The following FCHO2 variants were observed in gnomAD, a reference collection of about 807,000 sequenced individuals.
The protein encoded by FCHO2 is F-BAR domain only protein 2.
FCHO2 carries 43 observed loss-of-function variants against 114.1 expected under a neutral mutation model. The ratio of observed to expected loss-of-function variants is 0.38; its 90% CI spans 0.30 to 0.49. The LOEUF is 0.49. FCHO2 is among the 20% of genes least tolerant of loss of function. The pLI is 0.97. For synonymous variants in FCHO2, 293 were observed against 315.2 expected (o/e 0.93, Z 0.75); for missense variants, 807 against 950.4 (o/e 0.85, Z 1.98).
Position 73,084,828 on chromosome 5 carries a change from T to C in FCHO2, c.2245+2003T>C, listed in dbSNP as rs565781655. ...TTTCTTTTTTGCTGTTTGGTACTTATAGGTTGCCCACTTTCAGCTGGCCAA... is the reference window on the plus strand; with the variant it reads ...TTTCTTTTTTGCTGTTTGGTACTTACAGGTTGCCCACTTTCAGCTGGCCAA... On this transcript the variant is annotated intron_variant, in intron 24 of 25. Transcript: ENST00000430046. Among the ~76,000 whole-genome samples the C allele has an allele frequency of 2.2e-4, 33 of 152,212 alleles. 1 individual carries two copies. Among genetic ancestry groups the C allele is most frequent in the Admixed American group, 5.2e-4 (8 of 15,278 alleles).
At chr5:72,978,028 A>G (rs914146559) in intron 2 of FCHO2, among the ~76,000 whole-genome samples, 8 of 152,170 alleles carry the variant, frequency 5.3e-5, no homozygotes, top group African/African-American at 1.9e-4. Context: ...GAAGCATTGT[A>G]GTGTAGTTTG....
chr5:72,997,852 T>G (rs1754209884), intron 5 of FCHO2, among the ~76,000 whole-genome samples: 1 of 152,170 alleles, frequency 6.6e-6, no homozygotes, highest in Non-Finnish European at 1.5e-5. Context: ...TCTAACTTCG[T>G]GTTCACACTC....
intron 12 of FCHO2, 146 bp downstream of exon 12, chr5:73,051,552 G>A (rs567655677): frequency 1.7e-6 from 1 of 595,190 alleles, no homozygotes; most frequent in Non-Finnish European, 2.7e-6. Flanking sequence ...GTTTTTTGTT[G>A]TTGTTGTTTT....
chr5:73,087,155 T>C (rs1188793507), intron 24 of FCHO2, among the ~76,000 whole-genome samples: 1 of 152,144 alleles, frequency 6.6e-6, no homozygotes, highest in African/African-American at 2.4e-5. Flanking sequence ...GAAAAGTGAA[T>C]AGAAAATAGC....
In FCHO2 at chr5:73,087,650, T is replaced by C. The variant is rs770175095; in HGVS notation, c.2307T>C (p.Leu769=). 7.4e-6 allele frequency: 12 copies of C among 1,613,836 alleles called. No homozygotes were observed. The East Asian group carries it at 2.5e-4, about 33-fold the overall frequency. ...AAGGACCTAGTAAACCCACGACACT[T>C]GCAGTACAATTCCTCAGCGAGGGAA... is the stretch of plus-strand genomic sequence containing the variant. ...LSEGPSKPTT[L]AVQFLSEGST... The change falls in exon 25 of 26, where the codon CTT becomes CTC. Residue 769 remains leucine, a synonymous_variant. Transcript: ENST00000430046.
intron 2 of FCHO2, among the ~76,000 whole-genome samples, chr5:72,969,904 T>C (rs1419918974): frequency 2.0e-5 from 3 of 152,206 alleles, no homozygotes; most frequent in Non-Finnish European, 4.4e-5. Context: ...GTCTTTTTGC[T>C]CTATTTATGC....
In FCHO2 at chr5:73,074,729, G is replaced by T. The variant is rs1742830804; in HGVS notation, c.1580-13G>T. On this transcript the variant is annotated splice_polypyrimidine_tract_variant and intron_variant, in intron 19 of 25. Coordinates refer to ENST00000430046, the MANE Select transcript of FCHO2 (RefSeq NM_138782.3). The stretch of plus-strand genomic sequence containing the variant: ...TTCTGAAGGATTTAACAAGTTAATT[G>T]TGTATATTCTAGGTGTGTCACGGGG... The T allele has an allele frequency of 6.2e-7, 1 of 1,601,606 alleles. No individual in the cohort carries two copies.
chr5:73,021,262 G>A, intron 8 of FCHO2: 1 of 581,028 alleles, frequency 1.7e-6, no homozygotes, highest in Non-Finnish European at 3.2e-6. Flanking sequence ...ACAGTAACAT[G>A]GAGGGCTGAG....
At chr5:72,962,071 C>G (rs975618199) in intron 1 of FCHO2, among the ~76,000 whole-genome samples, 2 of 152,172 alleles carry the variant, frequency 1.3e-5, no homozygotes, top group African/African-American at 4.8e-5. Context: ...GAAGACTTGA[C>G]AGTAGACATT....
intron 2 of FCHO2, among the ~76,000 whole-genome samples, chr5:72,986,165 T>C (rs1441325126): frequency 1.3e-5 from 2 of 152,136 alleles, no homozygotes; most frequent in Non-Finnish European, 2.9e-5. Flanking sequence ...CAATATAGTA[T>C]ATCTAATCAG....
At chr5:73,037,360 TAATA>T (rs763803486) in intron 10 of FCHO2, 145 bp downstream of exon 10, 3 of 381,524 alleles carry the variant, frequency 7.9e-6, no homozygotes, top group Non-Finnish European at 9.0e-6. Flanking sequence ...TTCTAAATAT[TAATA>T]AATACATTTG....
intron 5 of FCHO2, 95 bp downstream of exon 5, chr5:72,990,959 T>G (rs1318452497): frequency 7.3e-7 from 1 of 1,366,004 alleles, no homozygotes; most frequent in Non-Finnish European, 9.8e-7. Context: ...ATTATCTCAT[T>G]TTAAAGATGA....
intron 1 of FCHO2, among the ~76,000 whole-genome samples, chr5:72,957,287 A>G (rs957089531): frequency 1.3e-5 from 2 of 152,166 alleles, no homozygotes; most frequent in Non-Finnish European, 2.9e-5. Flanking sequence ...GTTTTTTCAT[A>G]TGTTCATAGA....
chr5:72,977,591 T>G (rs1025287134), intron 2 of FCHO2, among the ~76,000 whole-genome samples: 2 of 152,242 alleles, frequency 1.3e-5, no homozygotes, highest in African/African-American at 4.8e-5. Flanking sequence ...TGATGATAGT[T>G]TCTTTTGCTG....
At chr5:73,085,555 ACT>A (rs1232697643) in intron 24 of FCHO2, among the ~76,000 whole-genome samples, 4 of 150,938 alleles carry the variant, frequency 2.7e-5, no homozygotes, top group African/African-American at 4.9e-5. Flanking sequence ...CAGGTGGATC[ACT>A]TGAGGCCAGG....
Position 72,989,493 on chromosome 5 carries a change from A to G in FCHO2, c.192A>G (p.Ser64=), listed in dbSNP as rs1447515873. 5 of 1,601,046 alleles carry G rather than the reference A, an allele frequency of 3.1e-6. No homozygotes were observed. In the East Asian group the frequency reaches 1.1e-4, roughly 36 times the overall value. The change falls in exon 3 of 26, where the codon TCA becomes TCG. Residue 64 remains serine, a synonymous_variant. Transcript: ENST00000430046. The part of the protein sequence containing the change: ...TKLAKSASNY[S]QLGTFAPVWD... ...TAGCAAAATCTGCAAGCAATTATTC[A>G]CAACTTGGGTGAGTTAATTTCTTCC...
intron 6 of FCHO2, among the ~76,000 whole-genome samples, chr5:73,011,382 G>C (rs1353600140): frequency 6.6e-6 from 1 of 152,074 alleles, no homozygotes; most frequent in East Asian, 1.9e-4. Flanking sequence ...TCTTAAAGTA[G>C]AAACACATTG....
intron 11 of FCHO2, among the ~76,000 whole-genome samples, chr5:73,041,926 C>T (rs1168368761): frequency 6.6e-6 from 1 of 152,038 alleles, no homozygotes; most frequent in Non-Finnish European, 1.5e-5. Context: ...CAAAACTGTT[C>T]ATTAGATACC....
intron 19 of FCHO2, 22 bp from the exon 20 acceptor site, chr5:73,074,719 CA>C (rs1169221649): frequency 1.3e-6 from 2 of 1,576,788 alleles, no homozygotes. Flanking sequence ...AAGGATTTAA[CA>C]AGTTAATTGT....
Sources: allele counts gnomAD v4.1 joint callset (sites outside exome capture counted in the v4.1 genomes callset), GRCh38; gene constraint gnomAD v4.1.1; transcripts MANE v1.5; gene names NCBI Gene and HGNC (gene_info 2026-07-23, HGNC 2026-07-21).